ARHGAP6: variants seen among roughly 807,000 people sequenced by gnomAD.
The protein encoded by ARHGAP6 is Rho GTPase activating protein 6.
A neutral mutation model predicts 55.7 loss-of-function variants in ARHGAP6; 16 were observed. The observed-to-expected ratio is 0.29, with a 90% CI of 0.19 to 0.44. ARHGAP6 has a LOEUF of 0.44. ARHGAP6 is among the 20% of genes least tolerant of loss of function. The pLI is 1.00. For synonymous variants in ARHGAP6, 382 were observed against 360.9 expected (o/e 1.06, Z -0.66); for missense variants, 698 against 808.9 (o/e 0.86, Z 1.66).
At chrX:11,435,771 G>C (rs57663546) in intron 1 of ARHGAP6, among the ~76,000 whole-genome samples, 79 of 111,751 alleles carry the variant, frequency 7.1e-4, no homozygotes, top group East Asian at 8.4e-4. Context: ...GTGGAAAATA[G>C]TCCTAAGTGT....
At chrX:11,425,339 C>T (rs2049867579) in intron 1 of ARHGAP6, among the ~76,000 whole-genome samples, 1 of 111,967 alleles carries the variant, frequency 8.9e-6, no homozygotes, top group African/African-American at 3.3e-5. Context: ...CTGGAATTAT[C>T]AAAACCCAAA....
intron 9 of ARHGAP6, among the ~76,000 whole-genome samples, chrX:11,163,018 C>G (rs2147296856): frequency 8.9e-6 from 1 of 111,808 alleles, no homozygotes; most frequent in African/African-American, 3.2e-5. Flanking sequence ...AAACGAAACC[C>G]AGCCCAAAGT....
intron 3 of ARHGAP6, among the ~76,000 whole-genome samples, chrX:11,195,373 A>G (rs927122509): frequency 9.1e-6 from 1 of 110,328 alleles, no homozygotes; most frequent in African/African-American, 3.3e-5. Flanking sequence ...AAGGCACAAA[A>G]AATTGGACTG....
At chrX:11,344,948 A>G (rs1438363657) in intron 1 of ARHGAP6, among the ~76,000 whole-genome samples, 1 of 112,057 alleles carries the variant, frequency 8.9e-6, no homozygotes, top group Non-Finnish European at 1.9e-5. Context: ...GAAAGCATTT[A>G]TACCACAAGG....
At chrX:11,417,672 A>G (rs913149669) in intron 1 of ARHGAP6, among the ~76,000 whole-genome samples, 5 of 111,641 alleles carry the variant, frequency 4.5e-5, no homozygotes, top group African/African-American at 1.6e-4. Flanking sequence ...TTATTACAAA[A>G]TGAAAGGCTT....
chrX:11,329,160 C>T (rs1446981619), intron 1 of ARHGAP6, among the ~76,000 whole-genome samples: 2 of 111,591 alleles, frequency 1.8e-5, no homozygotes, highest in Non-Finnish European at 3.8e-5. Context: ...TGAAGGTTAC[C>T]GAGCCCAGGC....
At chrX:11,588,217 T>C (rs2051758936) in intron 1 of ARHGAP6, among the ~76,000 whole-genome samples, 1 of 111,746 alleles carries the variant, frequency 8.9e-6, no homozygotes, top group African/African-American at 3.3e-5. Context: ...TTTTGAAAAG[T>C]AATACAGGTT....
At chrX:11,552,600 A>ATG (rs59361607) in intron 1 of ARHGAP6, among the ~76,000 whole-genome samples, 2 of 62,588 alleles carry the variant, frequency 3.2e-5, no homozygotes, top group African/African-American at 1.2e-4. Flanking sequence ...ATATATATAT[A>ATG]GACACACACA....
At chrX:11,608,010 G>C (rs1345794420) in intron 1 of ARHGAP6, among the ~76,000 whole-genome samples, 1 of 112,324 alleles carries the variant, frequency 8.9e-6, no homozygotes, top group Non-Finnish European at 1.9e-5. Flanking sequence ...GGATACAGCA[G>C]ATTATTATTT....
chrX:11,179,593 A>C, intron 6 of ARHGAP6, 141 bp from the exon 7 acceptor site: 2 of 656,734 alleles, frequency 3.0e-6, no homozygotes, highest in Non-Finnish European at 4.4e-6. Context: ...CAACATCCTC[A>C]CCTTGATCTG....
chrX:11,360,091 G>C (rs1178438019), intron 1 of ARHGAP6, among the ~76,000 whole-genome samples: 1 of 111,679 alleles, frequency 9.0e-6, no homozygotes, highest in Non-Finnish European at 1.9e-5. Context: ...GGAGGAACCA[G>C]TACCATTCCT....
intron 2 of ARHGAP6, among the ~76,000 whole-genome samples, chrX:11,207,832 TC>T (rs1354488043): frequency 2.7e-5 from 3 of 111,540 alleles, no homozygotes; most frequent in Non-Finnish European, 5.6e-5. Context: ...TCCTATTGTC[TC>T]CCCGTCCTCT....
intron 1 of ARHGAP6, among the ~76,000 whole-genome samples, chrX:11,472,348 A>G (rs1319128143): frequency 8.9e-6 from 1 of 112,147 alleles, no homozygotes; most frequent in African/African-American, 3.2e-5. Context: ...ACATAGTGGT[A>G]AGCAATATGA....
At chrX:11,360,743 T>C (rs1362023793) in intron 1 of ARHGAP6, among the ~76,000 whole-genome samples, 8 of 111,192 alleles carry the variant, frequency 7.2e-5, no homozygotes, top group Non-Finnish European at 1.5e-4. Context: ...GACACGATTG[T>C]ATATCTAGAA....
At chrX:11,158,338 A>T (rs929960949) in intron 9 of ARHGAP6, among the ~76,000 whole-genome samples, 2 of 111,569 alleles carry the variant, frequency 1.8e-5, no homozygotes, top group African/African-American at 6.5e-5. Context: ...GATTGCGCTG[A>T]CAATTGAGCA....
At chrX:11,634,558 G>C (rs1045184077) in intron 1 of ARHGAP6, among the ~76,000 whole-genome samples, 2 of 111,565 alleles carry the variant, frequency 1.8e-5, no homozygotes, top group African/African-American at 6.5e-5. Context: ...AGTCATAGTA[G>C]CCAGTAATTA....
At chrX:11,518,192 G>C (rs924111223) in intron 1 of ARHGAP6, among the ~76,000 whole-genome samples, 2 of 110,340 alleles carry the variant, frequency 1.8e-5, no homozygotes, top group Non-Finnish European at 3.8e-5. Flanking sequence ...CCAGGCTGGA[G>C]TGCAGTGGTA....
At chrX:11,280,745 CAA>C (rs59290872) in intron 1 of ARHGAP6, among the ~76,000 whole-genome samples, 23 of 53,017 alleles carry the variant, frequency 4.3e-4, no homozygotes, top group Admixed American at 1.0e-3. Context: ...GACCTTGTCT[CAA>C]AAAAAAAAAA....
intron 1 of ARHGAP6, among the ~76,000 whole-genome samples, chrX:11,406,455 T>C (rs1435871583): frequency 9.0e-6 from 1 of 111,502 alleles, no homozygotes; most frequent in Non-Finnish European, 1.9e-5. Flanking sequence ...GCATTCCGCC[T>C]GAGCTTGCTG....
Sources: gnomAD v4.1 joint callset for allele counts (sites outside exome capture counted in the v4.1 genomes callset) on GRCh38, gnomAD v4.1.1 for gene constraint, MANE v1.5 for transcripts, NCBI Gene and HGNC (gene_info 2026-07-23, HGNC 2026-07-21) for gene names.